The following KCNQ1 variants were observed in gnomAD, a reference collection of about 807,000 sequenced individuals.
KCNQ1 encodes potassium voltage-gated channel subfamily KQT member 1.
Under a neutral mutation model 72.4 loss-of-function variants are expected in KCNQ1, and 49 were observed. The observed-to-expected ratio is 0.68, with a 90% confidence interval of 0.54 to 0.86. The LOEUF (loss-of-function observed/expected upper bound fraction) is 0.86. Ranked by LOEUF, KCNQ1 falls within the 40% of genes least tolerant of loss-of-function variation. The pLI is 0.00. For synonymous variants in KCNQ1, 450 were observed against 412.6 expected (o/e 1.09, Z -1.10); for missense variants, 790 against 945.1 (o/e 0.84, Z 2.15).
chr11:2,490,981 C>T (rs1419744081), intron 1 of KCNQ1, among the ~76,000 whole-genome samples: 1 of 152,212 alleles, frequency 6.6e-6, no homozygotes, highest in East Asian at 1.9e-4. Context: ...GCTGGGATTA[C>T]AGGCGTGAGC....
At chr11:2,680,650 T>TA (rs754421603) in intron 11 of KCNQ1, 10 of 398,504 alleles carry the variant, frequency 2.5e-5, no homozygotes, top group African/African-American at 4.1e-5. Flanking sequence ...ATTGCATTGA[T>TA]AGTCTCACTA....
chr11:2,549,937 C>T lies in KCNQ1; in HGVS notation c.478-20691C>T, dbSNP rs750254181. Among the ~76,000 whole-genome samples the T allele has an allele frequency of 9.2e-5, 14 of 152,194 alleles. No homozygotes were observed. The highest frequency in any genetic ancestry group is 1.4e-4 in the African/African-American group (6 of 41,438). ...ACCGCCCCCGCCACCCAGCGCGAGC[C>T]GCGTAGAGGAGCAGGAAGGGAGCCA... On this transcript the variant is annotated intron_variant, in intron 2 of 15. Transcript: ENST00000155840. The surrounding 1 kb of genome is among the most constrained non-coding windows in gnomAD (Gnocchi z 6.2).
chr11:2,699,936 C>T, intron 11 of KCNQ1: 1 of 398,306 alleles, frequency 2.5e-6, no homozygotes, highest in Middle Eastern at 6.3e-4. Context: ...GGCGCCCTGG[C>T]AGGATCTTGC....
rs149150674 is a variant in KCNQ1 at position 2,565,755 on chromosome 11, G to A, written c.478-4873G>A. ...GTGCAGTGGCATCAGCCAAGGCTCCGAGGCGTTTCTTCCCACTTCACATGT... is the reference window on the plus strand; with the variant it reads ...GTGCAGTGGCATCAGCCAAGGCTCCAAGGCGTTTCTTCCCACTTCACATGT... On this transcript the variant is annotated intron_variant, in intron 2 of 15. Coordinates refer to ENST00000155840, the MANE Select transcript of KCNQ1 (RefSeq NM_000218.3). The surrounding 1 kb of genome is among the most constrained non-coding windows in gnomAD (Gnocchi z 5.6). 2.8e-3 allele frequency among the ~76,000 whole-genome samples: 424 copies of A among 152,326 alleles called. 1 individual carries two copies. The highest frequency in any genetic ancestry group is 0.01 in the Middle Eastern group (3 of 294).
intron 10 of KCNQ1, chr11:2,649,948 T>G (rs755481831): frequency 1.0e-5 from 4 of 398,400 alleles, no homozygotes; most frequent in African/African-American, 8.2e-5. Context: ...AGCTTAATAG[T>G]GTCTCATATG....
At chr11:2,570,487 G>A in intron 2 of KCNQ1, 141 bp from the exon 3 acceptor site, 1 of 1,108,980 alleles carries the variant, frequency 9.0e-7, no homozygotes, top group Non-Finnish European at 1.3e-6. Flanking sequence ...ACCATCCGCA[G>A]CAGGCCAGGA....
At position 2,653,877 on chromosome 11, in the gene KCNQ1, A is replaced by G. The variant is rs2133846218; in HGVS notation, c.1394-8084A>G. Reference sequence around the variant, plus strand: ...TAAACACTGCACACTAGGAGTGGGAAAGGAAGAGCCCCCTAAGGAAGATTT... The same window carrying G: ...TAAACACTGCACACTAGGAGTGGGAGAGGAAGAGCCCCCTAAGGAAGATTT... On this transcript the variant is annotated intron_variant, in intron 10 of 15. Coordinates refer to ENST00000155840, the MANE Select transcript of KCNQ1 (RefSeq NM_000218.3). The surrounding 1 kb of genome is among the most constrained non-coding windows in gnomAD (Gnocchi z 5.3). 1.0e-5 allele frequency: 4 copies of G among 398,644 alleles called. No homozygotes were observed. In the East Asian group the frequency reaches 1.4e-4, roughly 14 times the overall value. The allele number at this position is 398,644 out of a possible 1,614,324, so 24.7% of individuals were successfully genotyped here.
intron 6 of KCNQ1, among the ~76,000 whole-genome samples, chr11:2,576,061 C>T (rs2133738621): frequency 6.6e-6 from 1 of 152,342 alleles, no homozygotes; most frequent in African/African-American, 2.4e-5. Flanking sequence ...TTAGGGTCCA[C>T]CCAGGTGATC....
intron 10 of KCNQ1, among the ~76,000 whole-genome samples, chr11:2,605,346 T>C (rs1173582501): frequency 2.0e-5 from 3 of 152,212 alleles, no homozygotes; most frequent in African/African-American, 7.2e-5. Flanking sequence ...TTTGGTGTTA[T>C]ATCTAAGAAA....
intron 10 of KCNQ1, among the ~76,000 whole-genome samples, chr11:2,605,353 G>A (rs540939990): frequency 1.8e-4 from 27 of 152,124 alleles, no homozygotes; most frequent in African/African-American, 6.0e-4. Flanking sequence ...TTATATCTAA[G>A]AAACCTCTGC....
chr11:2,714,782 C>T (rs949173426), intron 11 of KCNQ1, among the ~76,000 whole-genome samples: 1 of 152,122 alleles, frequency 6.6e-6, no homozygotes, highest in African/African-American at 2.4e-5. Flanking sequence ...GCTGCAGCAT[C>T]GTCGTCATCT....
intron 10 of KCNQ1, among the ~76,000 whole-genome samples, chr11:2,590,459 A>G (rs1848656247): frequency 6.6e-6 from 1 of 152,228 alleles, no homozygotes. Context: ...CTTGGTTATC[A>G]TGGTGCCAGA....
intron 1 of KCNQ1, among the ~76,000 whole-genome samples, chr11:2,500,542 A>G (rs557692411): frequency 6.6e-6 from 1 of 152,354 alleles, no homozygotes; most frequent in Admixed American, 6.5e-5. Context: ...CCAAAGGATT[A>G]TAAATCATTG....
In KCNQ1 at chr11:2,700,539, G is replaced by T. The variant is rs561389839; in HGVS notation, c.1514+38458G>T. Among the ~76,000 whole-genome samples the T allele has an allele frequency of 3.2e-3, 483 of 152,070 alleles. 6 individuals are homozygous for T. The highest frequency in any genetic ancestry group is 0.011 in the African/African-American group (462 of 41,508). Reference sequence around the variant, plus strand: ...GCAAGGTCTCCACCGCCGTGGCACCGGGTGCGGGAGGCGTTTTCCCCCCTC... The same window carrying T: ...GCAAGGTCTCCACCGCCGTGGCACCTGGTGCGGGAGGCGTTTTCCCCCCTC... On this transcript the variant is annotated intron_variant, in intron 11 of 15. Coordinates refer to ENST00000155840, the MANE Select transcript of KCNQ1 (RefSeq NM_000218.3).
In KCNQ1 at chr11:2,715,814, G is replaced by A. The variant is rs759953663; in HGVS notation, c.1515-53030G>A. 3.3e-5 allele frequency among the ~76,000 whole-genome samples: 5 copies of A among 152,228 alleles called. No individual in the cohort carries two copies. The highest frequency in any genetic ancestry group is 4.8e-5 in the African/African-American group (2 of 41,462). On this transcript the variant is annotated intron_variant, in intron 11 of 15. Coordinates refer to ENST00000155840, the MANE Select transcript of KCNQ1 (RefSeq NM_000218.3). The surrounding 1 kb of genome is among the most constrained non-coding windows in gnomAD (Gnocchi z 4.9). Reference sequence around the variant, plus strand: ...GAGCAGCCCCGCATCCCACATCCCCGCAGCCTTGCGCTGGTCTAAATGCCT... The same window carrying A: ...GAGCAGCCCCGCATCCCACATCCCCACAGCCTTGCGCTGGTCTAAATGCCT...
intron 6 of KCNQ1, among the ~76,000 whole-genome samples, chr11:2,575,887 C>T (rs545035402): frequency 2.0e-5 from 3 of 152,230 alleles, no homozygotes; most frequent in East Asian, 3.9e-4. Context: ...GCTCTAGAGG[C>T]CAGAGCCCGA....
At chr11:2,629,857 G>A (rs1849324937) in intron 10 of KCNQ1, 2 of 397,902 alleles carry the variant, frequency 5.0e-6, no homozygotes, top group African/African-American at 2.1e-5. Context: ...CATATATGAT[G>A]TCATCTGCAA....
chr11:2,678,493 T>C lies in KCNQ1; in HGVS notation c.1514+16412T>C, dbSNP rs16928541. On this transcript the variant is annotated intron_variant, in intron 11 of 15. Coordinates refer to ENST00000155840, the MANE Select transcript of KCNQ1 (RefSeq NM_000218.3). The surrounding 1 kb of genome is among the most constrained non-coding windows in gnomAD (Gnocchi z 4.9). ...ATATTTCAAACTCTCATTTAATTTG[T>C]GTCCATTTCTAGACTCTATTCTGGA... is the stretch of plus-strand genomic sequence containing the variant. 0.015 allele frequency: 5,951 copies of C among 398,638 alleles called. 199 individuals carry two copies. The highest frequency in any genetic ancestry group is 0.095 in the East Asian group (2,663 of 28,080). The allele number at this position is 398,638 out of a possible 1,614,324, so 24.7% of individuals were successfully genotyped here.
chr11:2,673,801 G>A lies in KCNQ1; in HGVS notation c.1514+11720G>A, dbSNP rs1485619568. ...AAGCTCTGGTGCAAAGGGCAGTGATGGCCCTTCAATCCCAGGCCCACAAGC... is the reference window on the plus strand; with the variant it reads ...AAGCTCTGGTGCAAAGGGCAGTGATAGCCCTTCAATCCCAGGCCCACAAGC... On this transcript the variant is annotated intron_variant, in intron 11 of 15. Transcript: ENST00000155840. This position sits in a 1 kb window ranked among gnomAD's most constrained non-coding sequence, Gnocchi z 4.5. The A allele has an allele frequency of 7.5e-6, 3 of 398,592 alleles. No individual in the cohort carries two copies. Among genetic ancestry groups the A allele is most frequent in the African/African-American group, 6.2e-5 (3 of 48,614 alleles). 24.7% of individuals were successfully genotyped at this position (398,592 alleles called of 1,614,324 possible).
Sources: gnomAD v4.1 joint callset for allele counts (sites outside exome capture counted in the v4.1 genomes callset) on GRCh38, gnomAD v4.1.1 for gene constraint, Gnocchi (gnomAD v3.1) non-coding constraint, MANE v1.5 for transcripts, NCBI Gene and HGNC (gene_info 2026-07-23, HGNC 2026-07-21) for gene names.